The following UGGT2 variants were observed in gnomAD, a reference collection of about 807,000 sequenced individuals.
The protein encoded by UGGT2 is UDP-glucose glycoprotein glucosyltransferase 2.
Under a neutral mutation model 192.1 loss-of-function variants are expected in UGGT2, and 180 were observed. That is an observed-to-expected ratio of 0.94 (90% CI 0.83 to 1.06). The LOEUF (loss-of-function observed/expected upper bound fraction) is 1.06, where lower values mean the gene tolerates loss of function less well. Among genes scored for constraint, UGGT2 ranks in the 50% least tolerant of loss-of-function variants. The pLI is 0.00. For missense variants in UGGT2, 1,849 were observed against 1,795.7 expected (o/e 1.03, Z -0.54); for synonymous variants, 580 against 591.0 (o/e 0.98, Z 0.27).
intron 12 of UGGT2, among the ~76,000 whole-genome samples, chr13:95,964,842 C>T (rs980079300): frequency 7.9e-5 from 12 of 151,898 alleles, no homozygotes; most frequent in East Asian, 3.9e-4. Context: ...CGCAACCTAC[C>T]CATCTGACAA....
chr13:95,884,511 C>A lies in UGGT2; in HGVS notation c.3208G>T (p.Asp1070Tyr), dbSNP rs766796223. ...CTTACATCCTTTAAGTGAATATTAT[C>A]AAGGTCACAGTTGCTGTGCACTGTT... The part of the protein sequence containing the change: ...VETVHSNCDL[D>Y]NIHLKDTEKT... The change falls in exon 27 of 39, where the codon GAT becomes TAT. Residue 1070 changes from aspartate (D) to tyrosine (Y), a missense_variant. Physicochemically the swap from Asp to Tyr is radical, Grantham distance 160. Transcript: ENST00000376747. 19 of 1,611,158 alleles carry A rather than the reference C, an allele frequency of 1.2e-5. No individual in the cohort carries two copies. The highest frequency in any genetic ancestry group is 1.6e-5 in the Non-Finnish European group (19 of 1,178,994).
At chr13:96,048,025 G>A (rs951538863) in intron 1 of UGGT2, among the ~76,000 whole-genome samples, 4 of 152,142 alleles carry the variant, frequency 2.6e-5, no homozygotes, top group African/African-American at 7.2e-5. Flanking sequence ...CAAATCAACA[G>A]AATATACGTT....
intron 38 of UGGT2, among the ~76,000 whole-genome samples, chr13:95,815,834 T>G (rs995295047): frequency 4.6e-5 from 7 of 152,146 alleles, no homozygotes; most frequent in Non-Finnish European, 1.0e-4. Flanking sequence ...GTGTTGGAGG[T>G]GGGAGGGTAT....
chr13:96,018,817 C>T (rs2052420964), intron 4 of UGGT2, among the ~76,000 whole-genome samples: 1 of 143,976 alleles, frequency 6.9e-6, no homozygotes, highest in African/African-American at 2.6e-5. Flanking sequence ...AAATGCAAAA[C>T]CTATTAGAAT....
Position 95,887,933 on chromosome 13 carries a change from G to T in UGGT2, c.2997C>A (p.Phe999Leu). ...CTGAAAGCCTGCCCCTACAGTTCAT[G>T]AACAACTTTATCTTCATGTTGATAA... ...GKIINMKIKL[F>L]MNCRGRLSEA... is the part of the protein sequence containing the mutation. The change falls in exon 26 of 39, where the codon TTC (phenylalanine) becomes TTA (leucine). Residue 999 changes from phenylalanine (F) to leucine (L), a missense_variant. Coordinates refer to ENST00000376747, the MANE Select transcript of UGGT2 (RefSeq NM_020121.4). 6.2e-7 allele frequency: 1 copy of T among 1,603,684 alleles called. No homozygotes were observed. The highest frequency in any genetic ancestry group is 8.5e-7 in the Non-Finnish European group (1 of 1,174,478).
intron 5 of UGGT2, among the ~76,000 whole-genome samples, chr13:96,009,046 C>T (rs889770422): frequency 1.3e-5 from 2 of 152,180 alleles, no homozygotes; most frequent in African/African-American, 2.4e-5. Context: ...CACACACCTG[C>T]AGCCATCTGA....
intron 16 of UGGT2, 23 bp downstream of exon 16, chr13:95,939,934 C>G: frequency 1.3e-6 from 2 of 1,575,548 alleles, no homozygotes; most frequent in South Asian, 2.3e-5. Context: ...GCCTACTCCA[C>G]TTAACATAAT....
At chr13:95,996,494 T>TAA (rs747293305) in intron 6 of UGGT2, among the ~76,000 whole-genome samples, 3 of 133,702 alleles carry the variant, frequency 2.2e-5, no homozygotes, top group East Asian at 2.1e-4. Context: ...AGACCGTGTC[T>TAA]AAAAAAAAAA....
At chr13:95,975,660 A>T (rs1240975467) in intron 10 of UGGT2, among the ~76,000 whole-genome samples, 1 of 152,138 alleles carries the variant, frequency 6.6e-6, no homozygotes, top group Non-Finnish European at 1.5e-5. Context: ...TTAATAACCA[A>T]TGGAGCTGAG....
intron 36 of UGGT2, among the ~76,000 whole-genome samples, chr13:95,840,214 G>C (rs1031087140): frequency 6.6e-6 from 1 of 152,066 alleles, no homozygotes; most frequent in African/African-American, 2.4e-5. Flanking sequence ...TTAAACTAAA[G>C]AGCTTCTGCA....
intron 1 of UGGT2, among the ~76,000 whole-genome samples, chr13:96,049,567 T>C (rs1355823373): frequency 6.6e-6 from 1 of 152,218 alleles, no homozygotes; most frequent in Non-Finnish European, 1.5e-5. Context: ...TATGATTGTA[T>C]ATTTAGAAAA....
intron 12 of UGGT2, among the ~76,000 whole-genome samples, chr13:95,962,414 A>G (rs1387752067): frequency 6.6e-6 from 1 of 152,184 alleles, no homozygotes; most frequent in African/African-American, 2.4e-5. Context: ...ACTATTATAG[A>G]AAACTATACA....
intron 20 of UGGT2, among the ~76,000 whole-genome samples, chr13:95,913,072 T>C (rs533086967): frequency 1.4e-3 from 216 of 152,296 alleles, no homozygotes; most frequent in African/African-American, 4.8e-3. Flanking sequence ...CCTTACACCT[T>C]ATACAAAAAT....
At chr13:95,823,415 T>C (rs76068778) in intron 38 of UGGT2, among the ~76,000 whole-genome samples, 4,568 of 152,212 alleles carry the variant, frequency 0.03, 110 homozygotes, top group Non-Finnish European at 0.049. Flanking sequence ...TTGGGTCTAG[T>C]AGTAACTGTT....
intron 12 of UGGT2, among the ~76,000 whole-genome samples, chr13:95,959,837 T>C (rs1282813417): frequency 6.6e-6 from 1 of 152,256 alleles, no homozygotes; most frequent in African/African-American, 2.4e-5. Flanking sequence ...CTAACACTGG[T>C]GCTAGTGTAC....
chr13:95,938,712 T>A (rs2049552761), intron 16 of UGGT2, among the ~76,000 whole-genome samples: 1 of 152,178 alleles, frequency 6.6e-6, no homozygotes, highest in South Asian at 2.1e-4. Flanking sequence ...GGCAATGGCA[T>A]CAACACTACC....
At chr13:96,025,413 T>C (rs1401498681) in intron 2 of UGGT2, among the ~76,000 whole-genome samples, 1 of 152,192 alleles carries the variant, frequency 6.6e-6, no homozygotes, top group Non-Finnish European at 1.5e-5. Context: ...GAAAAGGTTA[T>C]AGGCCAAGGG....
Position 95,927,295 on chromosome 13 carries a change from C to T in UGGT2, c.2019G>A (p.Met673Ile), listed in dbSNP as rs757958950. The change falls in exon 18 of 39, where the codon ATG becomes ATA. Residue 673 changes from methionine to isoleucine, a missense_variant. Met to Ile is a conservative substitution (Grantham distance 10). Coordinates refer to ENST00000376747, the MANE Select transcript of UGGT2 (RefSeq NM_020121.4). ...TACGGGGTACAACATTATTCCTATC[C>T]ATTAGAAAATCAATTGCATTCGTGC... ...NDRTNAIDFLMDRNNVVPRIN... is the reference protein window; with the variant it reads ...NDRTNAIDFLIDRNNVVPRIN... 82 of 1,609,620 alleles carry T rather than the reference C, an allele frequency of 5.1e-5. No homozygotes were observed. The highest frequency in any genetic ancestry group is 6.9e-5 in the Non-Finnish European group (81 of 1,178,836).
intron 36 of UGGT2, among the ~76,000 whole-genome samples, chr13:95,837,917 T>C (rs182037713): frequency 9.6e-4 from 60 of 62,434 alleles, no homozygotes; most frequent in African/African-American, 2.7e-3. Flanking sequence ...TTTAAGGTTC[T>C]TCTCTCAACA....
Sources: allele counts gnomAD v4.1 joint callset (sites outside exome capture counted in the v4.1 genomes callset), GRCh38; gene constraint gnomAD v4.1.1; transcripts MANE v1.5; gene names NCBI Gene and HGNC (gene_info 2026-07-23, HGNC 2026-07-21).